Variants in PREX1 observed in about 807,000 individuals in gnomAD.
PREX1 encodes phosphatidylinositol 3,4,5-trisphosphate-dependent Rac exchanger 1 protein.
In PREX1, 41 loss-of-function variants were observed where a neutral mutation model predicts 198.3. That is an observed-to-expected ratio of 0.21 (90% CI 0.16 to 0.27). The LOEUF is 0.27. PREX1 is among the 10% of genes least tolerant of loss of function. PREX1 has a pLI of 1.00. For missense variants in PREX1, 1,620 were observed against 2,200.7 expected (o/e 0.74, Z 5.28); for synonymous variants, 843 against 887.2 (o/e 0.95, Z 0.89).
chr20:48,759,562 A>G (rs1485276046), intron 1 of PREX1, among the ~76,000 whole-genome samples: 1 of 151,182 alleles, frequency 6.6e-6, no homozygotes. Context: ...AAAAAAAAAA[A>G]AAAAAAGAAA....
chr20:48,746,131 C>G (rs6063317), intron 2 of PREX1, among the ~76,000 whole-genome samples: 1 of 152,188 alleles, frequency 6.6e-6, no homozygotes, highest in Admixed American at 6.5e-5. Context: ...AGCAATTCTC[C>G]TGCCTCAGCC....
chr20:48,827,819 G>A lies in PREX1; in HGVS notation c.42C>T (p.Ala14=). The stretch of plus-strand genomic sequence containing the variant: ...GGGGGTCCGGGTGGGCGCAGTCCCC[G>A]GCCCCGTCGCCGCCGGGCTCGCTGC... The part of the protein sequence containing the change: ...PSGSEPGGDG[A]GDCAHPDPRA... Residue 14 remains alanine, a synonymous_variant, in exon 1 of 40, where the codon GCC becomes GCT. Transcript: ENST00000371941. The surrounding 1 kb of genome is among the most constrained non-coding windows in gnomAD (Gnocchi z 4.1). 1 of 1,007,306 alleles carries A rather than the reference G, an allele frequency of 9.9e-7. No homozygotes were observed. The highest frequency in any genetic ancestry group is 1.2e-6 in the Non-Finnish European group (1 of 843,710). 62.4% of individuals were successfully genotyped at this position (1,007,306 alleles called of 1,614,324 possible). A position where few individuals can be genotyped will look rare whatever the true frequency, so the allele number is the denominator to read the frequency against.
At chr20:48,633,008 G>A (rs1037669748) in intron 33 of PREX1, among the ~76,000 whole-genome samples, 3 of 152,184 alleles carry the variant, frequency 2.0e-5, no homozygotes, top group Non-Finnish European at 2.9e-5. Flanking sequence ...ACCCTCACCC[G>A]GTAGCCCATG....
chr20:48,671,765 C>A (rs577820154), intron 14 of PREX1, among the ~76,000 whole-genome samples: 5 of 152,324 alleles, frequency 3.3e-5, no homozygotes, highest in Admixed American at 2.0e-4. Flanking sequence ...GGCACACCCT[C>A]CTCCCCTTTC....
chr20:48,691,188 C>T lies in PREX1; in HGVS notation c.1037-92G>A, dbSNP rs367977079. On this transcript the variant is annotated intron_variant, in intron 8 of 39. Transcript: ENST00000371941. This position sits in a 1 kb window ranked among gnomAD's most constrained non-coding sequence, Gnocchi z 5.0. The stretch of plus-strand genomic sequence containing the variant: ...CCAAGCCCTTCCGCCCCAGCACAGG[C>T]AGGGCCCTCGCCTGGATCAGGATGG... 1 of 1,523,824 alleles carries T rather than the reference C, an allele frequency of 6.6e-7. No individual in the cohort carries two copies. Among genetic ancestry groups the T allele is most frequent in the Middle Eastern group, 1.9e-4 (1 of 5,204 alleles). 94.4% of individuals were successfully genotyped at this position (1,523,824 alleles called of 1,614,324 possible).
At chr20:48,743,205 C>T (rs957618616) in intron 3 of PREX1, among the ~76,000 whole-genome samples, 4 of 152,126 alleles carry the variant, frequency 2.6e-5, no homozygotes, top group African/African-American at 9.7e-5. Context: ...ACTGGGCTGG[C>T]GAGCAGTAGA....
intron 1 of PREX1, among the ~76,000 whole-genome samples, chr20:48,762,344 A>G (rs576906671): frequency 2.0e-5 from 3 of 152,258 alleles, no homozygotes; most frequent in African/African-American, 7.2e-5. Flanking sequence ...TTGACAGTTC[A>G]GTGGATAGTT....
intron 13 of PREX1, 119 bp downstream of exon 13, chr20:48,679,241 C>T: frequency 1.2e-6 from 1 of 856,852 alleles, no homozygotes; most frequent in Non-Finnish European, 1.9e-6. Flanking sequence ...ATAGGTGCCA[C>T]TGCAAGCCCC....
At chr20:48,842,012 A>AT in the PREX1 span, among the ~76,000 whole-genome samples, 1 of 151,116 alleles carries the variant, frequency 6.6e-6, no homozygotes, top group Non-Finnish European at 1.5e-5. Context: ...CTCCTGGATA[A>AT]TTTTTTTTTA....
At chr20:48,820,539 A>G (rs1012115243) in intron 1 of PREX1, among the ~76,000 whole-genome samples, 1 of 152,096 alleles carries the variant, frequency 6.6e-6, no homozygotes, top group African/African-American at 2.4e-5. Flanking sequence ...AAACACATCA[A>G]TCTCACGTAT....
chr20:48,710,293 A>G (rs1022975392), intron 5 of PREX1, among the ~76,000 whole-genome samples: 1 of 152,218 alleles, frequency 6.6e-6, no homozygotes, highest in Non-Finnish European at 1.5e-5. Flanking sequence ...ATACTGGCTG[A>G]GCAACTGGTG....
rs2089261577 is a variant in PREX1, at chr20:48,625,289, G to GT, written c.*595dup. ...CTCGTGCCCAGGGCTGGTGGCCCCA[G>GT]TTCCAGGGGCGGTGATGTCCAGAGC... is the stretch of plus-strand genomic sequence containing the variant. On this transcript the variant is annotated 3_prime_UTR_variant, in exon 40 of 40. Coordinates refer to ENST00000371941, the MANE Select transcript of PREX1 (RefSeq NM_020820.4). 1 of 152,406 alleles carries GT rather than the reference G, an allele frequency of 6.6e-6. No homozygotes were observed. Among genetic ancestry groups the GT allele is most frequent in the Non-Finnish European group, 1.5e-5 (1 of 68,046 alleles). The allele number at this position is 152,406 out of a possible 1,614,324, so 9.4% of individuals were successfully genotyped here.
chr20:48,736,735 G>A (rs1387499258), intron 3 of PREX1, among the ~76,000 whole-genome samples: 1 of 152,220 alleles, frequency 6.6e-6, no homozygotes, highest in Non-Finnish European at 1.5e-5. Flanking sequence ...GGAAGAGGAA[G>A]AGGAAGAAAG....
At chr20:48,858,029 C>T in the PREX1 span, among the ~76,000 whole-genome samples, 1 of 152,190 alleles carries the variant, frequency 6.6e-6, no homozygotes, top group East Asian at 1.9e-4. Context: ...GGGGAGGGTA[C>T]GGGCCGATGG....
chr20:48,783,814 G>C (rs2090300615), intron 1 of PREX1, among the ~76,000 whole-genome samples: 1 of 152,144 alleles, frequency 6.6e-6, no homozygotes, highest in Non-Finnish European at 1.5e-5. Flanking sequence ...AGTACCCCAA[G>C]GAAGAAAAGT....
chr20:48,722,792 A>T (rs905071496), intron 5 of PREX1, among the ~76,000 whole-genome samples: 1 of 152,326 alleles, frequency 6.6e-6, no homozygotes, highest in Non-Finnish European at 1.5e-5. Flanking sequence ...CCCCTGCCAC[A>T]CACTCCAAGC....
chr20:48,744,969 G>C lies in PREX1; in HGVS notation c.414+56C>G, dbSNP rs199872658. On this transcript the variant is annotated intron_variant, in intron 3 of 39. Transcript: ENST00000371941. Reference sequence around the variant, plus strand: ...AAGGCGGATGGGGCAGGGACCCAGGGAGAAGCCCACTTTTCAAAAACTAGA... The same window carrying C: ...AAGGCGGATGGGGCAGGGACCCAGGCAGAAGCCCACTTTTCAAAAACTAGA... 7 of 1,597,642 alleles carry C rather than the reference G, an allele frequency of 4.4e-6. No individual in the cohort carries two copies. In the South Asian group the frequency reaches 4.5e-5, roughly 10 times the overall value.
chr20:48,639,731 C>G (rs1282084095), intron 30 of PREX1, 35 bp downstream of exon 30: 1 of 1,609,574 alleles, frequency 6.2e-7, no homozygotes, highest in Admixed American at 1.7e-5. Flanking sequence ...CCATGGCCCC[C>G]TCCCCACCAT....
intron 1 of PREX1, among the ~76,000 whole-genome samples, chr20:48,809,096 G>C (rs2090424033): frequency 6.6e-6 from 1 of 152,214 alleles, no homozygotes; most frequent in African/African-American, 2.4e-5. Context: ...ATGTTGCTTG[G>C]AAAGTGTCCA....
Sources: gnomAD v4.1 joint callset for allele counts (sites outside exome capture counted in the v4.1 genomes callset) on GRCh38, gnomAD v4.1.1 for gene constraint, Gnocchi (gnomAD v3.1) non-coding constraint, MANE v1.5 for transcripts, NCBI Gene and HGNC (gene_info 2026-07-23, HGNC 2026-07-21) for gene names.